Variants in NLRP5 observed in about 807,000 individuals in gnomAD.
The protein encoded by NLRP5 is NACHT, LRR and PYD domains-containing protein 5.
Under a neutral mutation model 113.1 loss-of-function variants are expected in NLRP5, and 93 were observed. The observed-to-expected ratio is 0.82, with a 90% CI of 0.70 to 0.98. The LOEUF is 0.98. NLRP5 is among the 50% of genes least tolerant of loss of function. NLRP5 has a pLI of 0.00. For synonymous variants in NLRP5, 751 were observed against 600.7 expected, an observed-to-expected ratio of 1.25 and a Z score of -3.66; for missense variants, 1,808 against 1,514.3, an observed-to-expected ratio of 1.19 and a Z score of -3.22.
At position 56,032,777 on chromosome 19, in the gene NLRP5, C is replaced by G; in HGVS notation, c.2443C>G (p.Leu815Val). Residue 815 changes from leucine to valine, a missense_variant, in exon 8 of 15, where the codon CTG becomes GTG. Physicochemically the swap from Leu to Val is conservative, Grantham distance 32. Coordinates refer to ENST00000390649, the MANE Select transcript of NLRP5 (RefSeq NM_153447.4). The stretch of plus-strand genomic sequence containing the variant: ...GCATCCCACCTGCAAGATACAGACC[C>G]TGATGTAAGGCTGCCCGCCCCCTAC... 4 of 1,606,810 alleles carry G rather than the reference C, an allele frequency of 2.5e-6. No homozygotes were observed. The highest frequency in any genetic ancestry group is 1.7e-5 in the Admixed American group (1 of 59,632).
At chr19:55,995,118 C>G (rs544168142), upstream of NLRP5, among the ~76,000 whole-genome samples, 1 of 152,196 alleles carries the variant, frequency 6.6e-6, no homozygotes, top group African/African-American at 2.4e-5. Flanking sequence ...GACAGAAAAC[C>G]AAACACCACA....
intron 5 of NLRP5, among the ~76,000 whole-genome samples, chr19:56,019,990 C>A (rs938827316): frequency 6.6e-6 from 1 of 151,864 alleles, no homozygotes; most frequent in Non-Finnish European, 1.5e-5. Flanking sequence ...GCACCTGCCA[C>A]TGTGCCCGAC....
In NLRP5 at chr19:56,007,843, G is replaced by T. The variant is rs146881207; in HGVS notation, c.443-945G>T. 7.8e-4 allele frequency among the ~76,000 whole-genome samples: 117 copies of T among 150,672 alleles called. 7 individuals are homozygous for T. Among genetic ancestry groups the T allele is most frequent in the Middle Eastern group, 3.4e-3 (1 of 294 alleles). On this transcript the variant is annotated intron_variant, in intron 2 of 14. Coordinates refer to ENST00000390649, the MANE Select transcript of NLRP5 (RefSeq NM_153447.4). Reference sequence around the variant, plus strand: ...GGCACAGAAAGAAGTAGAAATGGAAGATGCTTCCAAAGTGTACAAGACAGT... The same window carrying T: ...GGCACAGAAAGAAGTAGAAATGGAATATGCTTCCAAAGTGTACAAGACAGT...
At chr19:56,047,717 G>A (rs1256411250) in intron 11 of NLRP5, among the ~76,000 whole-genome samples, 1 of 152,148 alleles carries the variant, frequency 6.6e-6, no homozygotes, top group Non-Finnish European at 1.5e-5. Flanking sequence ...TGGATGAAAT[G>A]TTCTGTATAG....
chr19:55,998,702 ATGTGTG>A (rs144186734), upstream of NLRP5, among the ~76,000 whole-genome samples: 1,743 of 73,654 alleles, frequency 0.024, 87 homozygotes, highest in African/African-American at 0.03. Context: ...ATATATATAT[ATGTGTG>A]TGTGTGTATA....
At chr19:56,033,318 C>T (rs78206488) in intron 8 of NLRP5, among the ~76,000 whole-genome samples, 2,032 of 152,166 alleles carry the variant, frequency 0.013, 21 homozygotes, top group Non-Finnish European at 0.021. Flanking sequence ...CAGGTTTGGA[C>T]GGGTTTGGAT....
upstream of NLRP5, among the ~76,000 whole-genome samples, chr19:55,999,473 T>C (rs1001280357): frequency 2.6e-5 from 4 of 151,984 alleles, no homozygotes; most frequent in East Asian, 1.9e-4. Context: ...GCCTCGGCAG[T>C]AGCGTCGTAA....
chr19:56,045,510 A>G (rs974085712), intron 11 of NLRP5, among the ~76,000 whole-genome samples: 1 of 151,924 alleles, frequency 6.6e-6, no homozygotes, highest in African/African-American at 2.4e-5. Context: ...GTATGCACCC[A>G]TTAACTCATC....
At chr19:56,024,536 T>TATGTATAC (rs370810193) in intron 6 of NLRP5, among the ~76,000 whole-genome samples, 2 of 146,686 alleles carry the variant, frequency 1.4e-5, no homozygotes, top group African/African-American at 2.5e-5. Flanking sequence ...TATACATATG[T>TATGTATAC]ATATGTATGT....
At chr19:56,055,806 A>C (rs543392573) in intron 13 of NLRP5, among the ~76,000 whole-genome samples, 38 of 151,818 alleles carry the variant, frequency 2.5e-4, no homozygotes, top group Non-Finnish European at 5.2e-4. Flanking sequence ...TGGCCTCCCA[A>C]AGTGCTGGGA....
At chr19:56,033,463 G>A in intron 8 of NLRP5, 79 bp from the exon 9 acceptor site, 1 of 1,120,866 alleles carries the variant, frequency 8.9e-7, no homozygotes. Context: ...AAGTTAGAAT[G>A]GGAGAAGGAT....
At position 56,061,391 on chromosome 19, in the gene NLRP5, C is replaced by A; in HGVS notation, c.3471-5C>A. The A allele has an allele frequency of 6.2e-7, 1 of 1,613,570 alleles. No homozygotes were observed. Among genetic ancestry groups the A allele is most frequent in the Non-Finnish European group, 8.5e-7 (1 of 1,179,688 alleles). On this transcript the variant is annotated splice_region_variant and splice_polypyrimidine_tract_variant and intron_variant, in intron 14 of 14. Coordinates refer to ENST00000390649, the MANE Select transcript of NLRP5 (RefSeq NM_153447.4). The stretch of plus-strand genomic sequence containing the variant: ...CAGTAACGAGTCCTCTCTCTGCCTC[C>A]CCAGGCTGTGGAAATGGCAGTACCC...
chr19:56,056,903 G>T (rs1290386674), intron 13 of NLRP5, among the ~76,000 whole-genome samples: 1 of 152,190 alleles, frequency 6.6e-6, no homozygotes, highest in African/African-American at 2.4e-5. Flanking sequence ...ACTTTGGGAG[G>T]CTGAGGCCAG....
Position 56,027,124 on chromosome 19 carries a change from A to G in NLRP5, c.891A>G (p.Arg297=). 1.3e-6 allele frequency: 2 copies of G among 1,591,718 alleles called. No homozygotes were observed. The highest frequency in any genetic ancestry group is 1.7e-6 in the Non-Finnish European group (2 of 1,169,202). The change falls in exon 7 of 15, where the codon AGA becomes AGG. Residue 297 remains arginine, a synonymous_variant. Transcript: ENST00000390649. Reference sequence around the variant, plus strand: ...GAATTGGGAAATCGGCTCTAGCCAGAAGGATCGTGCTGTGCTGGGCGCAAG... The same window carrying G: ...GAATTGGGAAATCGGCTCTAGCCAGGAGGATCGTGCTGTGCTGGGCGCAAG...
At chr19:56,012,031 C>T (rs1982212949) in intron 3 of NLRP5, among the ~76,000 whole-genome samples, 1 of 152,090 alleles carries the variant, frequency 6.6e-6, no homozygotes. Context: ...ATTCTTTCAT[C>T]TCTTACATGG....
Position 56,027,256 on chromosome 19 carries a change from A to G in NLRP5, c.1023A>G (p.Pro341=), listed in dbSNP as rs905077137. The G allele has an allele frequency of 2.5e-6, 4 of 1,612,492 alleles. No individual in the cohort carries two copies. In the African/African-American group the frequency reaches 5.3e-5, roughly 22 times the overall value. Residue 341 remains proline, a synonymous_variant, in exon 7 of 15, where the codon CCA becomes CCG. Coordinates refer to ENST00000390649, the MANE Select transcript of NLRP5 (RefSeq NM_153447.4). ...CAGAGTTCATCTCCAGGGAGTGGCC[A>G]GACTCCCAGGCTCCGGTGACGGAGA...
chr19:56,027,909 C>T lies in NLRP5; in HGVS notation c.1676C>T (p.Ser559Phe), dbSNP rs749987893. The T allele has an allele frequency of 1.9e-6, 3 of 1,613,694 alleles. No homozygotes were observed. The highest frequency in any genetic ancestry group is 2.7e-5 in the African/African-American group (2 of 74,916). ...CTCATGGTTCAAGGACTCGGGGAGT[C>T]TGAGCTCCGTGCTCTGTTTCACATG... The change falls in exon 7 of 15, where the codon TCT (serine) becomes TTT (phenylalanine). Residue 559 changes from serine (S) to phenylalanine (F), a missense_variant. Transcript: ENST00000390649.
rs1335096163 is a variant in NLRP5, at chr19:56,015,734, T to A, written c.509-8T>A. 1 of 1,562,664 alleles carries A rather than the reference T, an allele frequency of 6.4e-7. No individual in the cohort carries two copies. The highest frequency in any genetic ancestry group is 1.4e-5 in the African/African-American group (1 of 73,796). On this transcript the variant is annotated splice_polypyrimidine_tract_variant and splice_region_variant and intron_variant, in intron 3 of 14. Transcript: ENST00000390649. ...TTTGTGTTTATTCTTCTCCCTTCTC[T>A]TTTGCAGGAATTTCACAAGCTGTGC...
rs116155768 is a variant in NLRP5 at position 56,053,993 on chromosome 19, G to A, written c.3299+185G>A. ...CCAGCTCGGCTCCTATGGATGAGAC[G>A]GATGAAGTGGCAAATGCTTGGGAAC... is the stretch of plus-strand genomic sequence containing the variant. On this transcript the variant is annotated intron_variant, in intron 13 of 14. Coordinates refer to ENST00000390649, the MANE Select transcript of NLRP5 (RefSeq NM_153447.4). 1.7e-3 allele frequency among the ~76,000 whole-genome samples: 265 copies of A among 152,222 alleles called. 1 individual carries two copies. The highest frequency in any genetic ancestry group is 5.9e-3 in the African/African-American group (246 of 41,550).
Sources: gnomAD v4.1 joint callset for allele counts (sites outside exome capture counted in the v4.1 genomes callset) on GRCh38, gnomAD v4.1.1 for gene constraint, MANE v1.5 for transcripts, NCBI Gene and HGNC (gene_info 2026-07-23, HGNC 2026-07-21) for gene names.